Variants in IGFBP5 observed in about 807,000 individuals in gnomAD.
The protein encoded by IGFBP5 is insulin-like growth factor-binding protein 5.
A neutral mutation model predicts 28.0 loss-of-function variants in IGFBP5; 12 were observed. The observed-to-expected ratio is 0.43, with a 90% confidence interval of 0.27 to 0.69. The LOEUF is 0.69. Among genes scored for constraint, IGFBP5 ranks in the 30% least tolerant of loss-of-function variants. The pLI, the probability that IGFBP5 is intolerant of heterozygous loss-of-function variation, is 0.20. For synonymous variants in IGFBP5, 152 were observed against 150.2 expected (o/e 1.01, Z -0.09); for missense variants, 344 against 381.6 (o/e 0.90, Z 0.82).
intron 1 of IGFBP5, among the ~76,000 whole-genome samples, chr2:216,686,486 T>A (rs1184978667): frequency 6.6e-6 from 1 of 151,904 alleles, no homozygotes; most frequent in Non-Finnish European, 1.5e-5. Flanking sequence ...GGCGTGGCAG[T>A]GTGCACCTAT....
At position 216,679,276 on chromosome 2, in the gene IGFBP5, T is replaced by C. The variant is rs1229450910; in HGVS notation, c.338-197A>G. 6.4e-6 allele frequency: 4 copies of C among 621,110 alleles called. No homozygotes were observed. Among genetic ancestry groups the C allele is most frequent in the Admixed American group, 2.4e-5 (1 of 41,308 alleles). 38.5% of individuals were successfully genotyped at this position (621,110 alleles called of 1,614,324 possible). A position where few individuals can be genotyped will look rare whatever the true frequency, so the allele number is the denominator to read the frequency against. The stretch of plus-strand genomic sequence containing the variant: ...AATGCTCATTTAAGTGGCAGGAAGT[T>C]TCTGGCATGCTTGGAGTCAAGCAGA... On this transcript the variant is annotated intron_variant, in intron 1 of 3. Coordinates refer to ENST00000233813, the MANE Select transcript of IGFBP5 (RefSeq NM_000599.4). The surrounding 1 kb of genome is among the most constrained non-coding windows in gnomAD (Gnocchi z 4.6).
chr2:216,681,941 T>A lies in IGFBP5; in HGVS notation c.338-2862A>T, dbSNP rs375670906. On this transcript the variant is annotated intron_variant, in intron 1 of 3. Coordinates refer to ENST00000233813, the MANE Select transcript of IGFBP5 (RefSeq NM_000599.4). ...ACCTTGGGGTAAATTTATTTTGACCTCTCTTACTCTTTTCTTTGAAAGTGT... is the reference window on the plus strand; with the variant it reads ...ACCTTGGGGTAAATTTATTTTGACCACTCTTACTCTTTTCTTTGAAAGTGT... 2.7e-4 allele frequency among the ~76,000 whole-genome samples: 41 copies of A among 152,338 alleles called. No individual in the cohort carries two copies. In the South Asian group the frequency reaches 8.3e-3, roughly 31 times the overall value.
rs1688905229 is a variant in IGFBP5, at chr2:216,676,767, C to T, written c.803G>A (p.Ser268Asn). ...GGGGACGCATCACTCAACGTTGCTG[C>T]TGTCGAAGGTGTGGCACTGAAAGTC... The part of the protein sequence containing the change: ...DGDFQCHTFD[S>N]SNVE Residue 268 changes from serine to asparagine, a missense_variant, in exon 4 of 4, where the codon AGC becomes AAC. Transcript: ENST00000233813. 1.9e-6 allele frequency: 3 copies of T among 1,613,510 alleles called. No individual in the cohort carries two copies. The highest frequency in any genetic ancestry group is 2.5e-6 in the Non-Finnish European group (3 of 1,179,792).
At chr2:216,678,268 A>G (rs776674924) in intron 2 of IGFBP5, 37 bp from the exon 3 acceptor site, 2 of 1,480,838 alleles carry the variant, frequency 1.4e-6, no homozygotes, top group East Asian at 2.4e-5. Flanking sequence ...TGGCGAGACC[A>G]AGGGAAAACC....
intron 1 of IGFBP5, among the ~76,000 whole-genome samples, chr2:216,686,725 G>A (rs1689038581): frequency 7.1e-6 from 1 of 141,492 alleles, no homozygotes; most frequent in Non-Finnish European, 1.5e-5. Context: ...GGAGTGCAGT[G>A]GCATGATCTT....
chr2:216,690,881 GGGGGGCGGGGTGGGC>G (rs1229836847), intron 1 of IGFBP5, among the ~76,000 whole-genome samples: 6 of 137,774 alleles, frequency 4.4e-5, no homozygotes, highest in Admixed American at 1.4e-4. Flanking sequence ...GGTGGGGGAG[GGGGGGCGGGGTGGGC>G]GGGGGCGGGG....
chr2:216,682,735 G>A (rs185997740), intron 1 of IGFBP5, among the ~76,000 whole-genome samples: 2 of 151,192 alleles, frequency 1.3e-5, no homozygotes, highest in Non-Finnish European at 2.9e-5. Context: ...TTGAGACAGA[G>A]TCTCCTTCTG....
Position 216,676,895 on chromosome 2 carries a change from G to A in IGFBP5, c.688-13C>T. 1 of 1,613,538 alleles carries A rather than the reference G, an allele frequency of 6.2e-7. No homozygotes were observed. Among genetic ancestry groups the A allele is most frequent in the South Asian group, 1.1e-5 (1 of 90,982 alleles). The stretch of plus-strand genomic sequence containing the variant: ...GGGAAGGTTTGCACTGGGGTGAGTA[G>A]AGCAACAGGCGGTGAGGACGGCCGC... On this transcript the variant is annotated splice_polypyrimidine_tract_variant and intron_variant, in intron 3 of 3. Coordinates refer to ENST00000233813, the MANE Select transcript of IGFBP5 (RefSeq NM_000599.4).
intron 1 of IGFBP5, among the ~76,000 whole-genome samples, chr2:216,683,742 G>A (rs753007392): frequency 6.6e-6 from 1 of 152,194 alleles, no homozygotes; most frequent in Non-Finnish European, 1.5e-5. Flanking sequence ...ATCTATGGAG[G>A]CCAGACCTTA....
chr2:216,689,145 C>T (rs375503666), intron 1 of IGFBP5, among the ~76,000 whole-genome samples: 2 of 152,212 alleles, frequency 1.3e-5, no homozygotes, highest in East Asian at 3.9e-4. Context: ...GTTGGCACCA[C>T]GTGAGGACTG....
At chr2:216,688,738 G>A (rs997883199) in intron 1 of IGFBP5, among the ~76,000 whole-genome samples, 6 of 152,196 alleles carry the variant, frequency 3.9e-5, no homozygotes, top group African/African-American at 1.4e-4. Flanking sequence ...GGTTTAGGTT[G>A]AGGGATCAAA....
At chr2:216,690,387 T>C (rs544771071) in intron 1 of IGFBP5, among the ~76,000 whole-genome samples, 1 of 152,338 alleles carries the variant, frequency 6.6e-6, no homozygotes, top group East Asian at 1.9e-4. Flanking sequence ...TGGAGTGTGG[T>C]GATCTCTTCT....
In IGFBP5 at chr2:216,672,995, G is replaced by C. The variant is rs1311165646; in HGVS notation, c.*3756C>G. On this transcript the variant is annotated 3_prime_UTR_variant, in exon 4 of 4. Coordinates refer to ENST00000233813, the MANE Select transcript of IGFBP5 (RefSeq NM_000599.4). ...TCCCTCCTCCACTTTGCAAAACGGA[G>C]CCTCCTTTCTCTTGGAAGCCAGACA... The C allele has an allele frequency of 6.5e-6, 1 of 152,838 alleles. No homozygotes were observed. The highest frequency in any genetic ancestry group is 3.4e-3 in the Middle Eastern group (1 of 292). The allele number at this position is 152,838 out of a possible 1,614,324, so 9.5% of individuals were successfully genotyped here.
intron 1 of IGFBP5, among the ~76,000 whole-genome samples, chr2:216,680,951 T>C (rs1688971549): frequency 6.6e-6 from 1 of 152,054 alleles, no homozygotes; most frequent in Non-Finnish European, 1.5e-5. Flanking sequence ...ACATCTCTGG[T>C]AGGTGGAATG....
At chr2:216,682,235 C>T (rs1448765657) in intron 1 of IGFBP5, among the ~76,000 whole-genome samples, 3 of 152,152 alleles carry the variant, frequency 2.0e-5, no homozygotes, top group Admixed American at 6.5e-5. Context: ...GCAGCAGAGT[C>T]CAGTGTCGAA....
At position 216,674,194 on chromosome 2, in the gene IGFBP5, G is replaced by C. The variant is rs918010058; in HGVS notation, c.*2557C>G. ...GTATCCACTTGGCAGATCCTAGTTG[G>C]ATAACTGCTCAAGATGCAAAGGGAG... On this transcript the variant is annotated 3_prime_UTR_variant, in exon 4 of 4. Transcript: ENST00000233813. This position sits in a 1 kb window ranked among gnomAD's most constrained non-coding sequence, Gnocchi z 4.4. 1 of 153,018 alleles carries C rather than the reference G, an allele frequency of 6.5e-6. No homozygotes were observed. The highest frequency in any genetic ancestry group is 2.4e-5 in the African/African-American group (1 of 41,466). The allele number at this position is 153,018 out of a possible 1,614,324, so 9.5% of individuals were successfully genotyped here. A position where few individuals can be genotyped will look rare whatever the true frequency, so the allele number is the denominator to read the frequency against.
At chr2:216,683,982 GCA>G (rs1689008082) in intron 1 of IGFBP5, among the ~76,000 whole-genome samples, 1 of 152,072 alleles carries the variant, frequency 6.6e-6, no homozygotes, top group South Asian at 2.1e-4. Context: ...ATCCACAGAG[GCA>G]CACACAGTAC....
At position 216,692,509 on chromosome 2, in the gene IGFBP5, C is replaced by T. The variant is rs1348755317; in HGVS notation, c.337+1930G>A. Among the ~76,000 whole-genome samples the T allele has an allele frequency of 2.0e-5, 3 of 152,028 alleles. No individual in the cohort carries two copies. Among genetic ancestry groups the T allele is most frequent in the Admixed American group, 1.3e-4 (2 of 15,234 alleles). Reference sequence around the variant, plus strand: ...CACGCTTGGTAAATAATAAGTGGAGCCAGGATGCGGCTGAGTGACACCTTA... The same window carrying T: ...CACGCTTGGTAAATAATAAGTGGAGTCAGGATGCGGCTGAGTGACACCTTA... On this transcript the variant is annotated intron_variant, in intron 1 of 3. Coordinates refer to ENST00000233813, the MANE Select transcript of IGFBP5 (RefSeq NM_000599.4). This position sits in a 1 kb window ranked among gnomAD's most constrained non-coding sequence, Gnocchi z 4.2.
Position 216,691,637 on chromosome 2 carries a change from C to G in IGFBP5, c.337+2802G>C, listed in dbSNP as rs554771035. Among the ~76,000 whole-genome samples the G allele has an allele frequency of 1.4e-4, 21 of 152,174 alleles. No individual in the cohort carries two copies. The East Asian group carries it at 3.9e-3, about 28-fold the overall frequency. On this transcript the variant is annotated intron_variant, in intron 1 of 3. Transcript: ENST00000233813. ...TCCCTCTCCAGTTGCTCAGCAACAG[C>G]CTAGCAAAACACCCTCTCCTCCGCC...
Sources: gnomAD v4.1 joint callset for allele counts (sites outside exome capture counted in the v4.1 genomes callset) on GRCh38, gnomAD v4.1.1 for gene constraint, Gnocchi (gnomAD v3.1) non-coding constraint, MANE v1.5 for transcripts, NCBI Gene and HGNC (gene_info 2026-07-23, HGNC 2026-07-21) for gene names.